GPC6: variants seen among roughly 807,000 people sequenced by gnomAD.
GPC6 encodes glypican 6.
In GPC6, 14 loss-of-function variants were observed where a neutral mutation model predicts 55.2. The ratio of observed to expected loss-of-function variants is 0.25; its 90% confidence interval spans 0.17 to 0.40. The LOEUF (loss-of-function observed/expected upper bound fraction) is 0.40. GPC6 is among the 10% of genes least tolerant of loss of function. The pLI is 1.00. For missense variants in GPC6, 641 were observed against 708.5 expected (o/e 0.90, Z 1.08); for synonymous variants, 278 against 259.6 (o/e 1.07, Z -0.68).
intron 1 of GPC6, among the ~76,000 whole-genome samples, chr13:93,244,188 A>G (rs2139019144): frequency 6.6e-6 from 1 of 152,316 alleles, no homozygotes; most frequent in East Asian, 1.9e-4. Flanking sequence ...GGAGCCGGGC[A>G]GCAGGTGGCA....
chr13:93,466,807 A>G (rs1878920824), intron 1 of GPC6, among the ~76,000 whole-genome samples: 1 of 152,204 alleles, frequency 6.6e-6, no homozygotes, highest in Non-Finnish European at 1.5e-5. Context: ...GTGGAGTACT[A>G]CTATGGATCT....
chr13:94,158,581 T>A (rs1888041558), intron 4 of GPC6, among the ~76,000 whole-genome samples: 1 of 151,686 alleles, frequency 6.6e-6, no homozygotes, highest in Non-Finnish European at 1.5e-5. Context: ...AGAGAATGAG[T>A]AACAAGGGAA....
intron 3 of GPC6, among the ~76,000 whole-genome samples, chr13:93,991,900 A>T (rs571998066): frequency 6.6e-6 from 1 of 152,276 alleles, no homozygotes; most frequent in African/African-American, 2.4e-5. Context: ...AAGTCTGAAG[A>T]TTTTAAAAAC....
rs796102075 is a variant in GPC6, at chr13:93,933,025, G to A, written c.712-94704G>A. ...TTTCTAAAGGAGAATTGGTTTTCTT[G>A]CATTTCACAGCTTCTGGAGGCCACT... On this transcript the variant is annotated intron_variant, in intron 3 of 8. Coordinates refer to ENST00000377047, the MANE Select transcript of GPC6 (RefSeq NM_005708.5). 3.7e-5 allele frequency among the ~76,000 whole-genome samples: 3 copies of A among 80,120 alleles called. No individual in the cohort carries two copies. In the South Asian group the frequency reaches 1.3e-3, roughly 35 times the overall value. 52.6% of individuals were successfully genotyped at this position (80,120 alleles called of 152,430 possible). A position where few individuals can be genotyped will look rare whatever the true frequency, so the allele number is the denominator to read the frequency against.
chr13:93,441,703 T>A (rs1209105487), intron 1 of GPC6, among the ~76,000 whole-genome samples: 1 of 152,186 alleles, frequency 6.6e-6, no homozygotes, highest in African/African-American at 2.4e-5. Context: ...TTTAATTAGA[T>A]CCCGTTTGTC....
chr13:93,763,501 C>T (rs1336225279), intron 2 of GPC6, among the ~76,000 whole-genome samples: 2 of 152,178 alleles, frequency 1.3e-5, no homozygotes, highest in African/African-American at 4.8e-5. Context: ...TGCACCTACT[C>T]TCTCGGAGAG....
rs9561553 is a variant in GPC6, at chr13:94,407,873, T to A, written c.*4656T>A. Among the ~76,000 whole-genome samples, 17,851 of 152,224 alleles carry A rather than the reference T, an allele frequency of 0.12. 1,703 individuals are homozygous for A. Among genetic ancestry groups the A allele is most frequent in the East Asian group, 0.55 (2,833 of 5,166 alleles). On this transcript the variant is annotated 3_prime_UTR_variant, in exon 9 of 9. Coordinates refer to ENST00000377047, the MANE Select transcript of GPC6 (RefSeq NM_005708.5). ...ATGCTTATTGAACTCTTATTCTCTATAAACCCTGCTCTAGGGGATTTATCA... is the reference window on the plus strand; with the variant it reads ...ATGCTTATTGAACTCTTATTCTCTAAAAACCCTGCTCTAGGGGATTTATCA...
At chr13:93,282,202 G>A (rs961584957) in intron 1 of GPC6, among the ~76,000 whole-genome samples, 1 of 152,120 alleles carries the variant, frequency 6.6e-6, no homozygotes, top group Non-Finnish European at 1.5e-5. Flanking sequence ...TTTTTCATAG[G>A]ACAATCAGAA....
At chr13:93,895,543 T>A (rs1875960421) in intron 3 of GPC6, among the ~76,000 whole-genome samples, 1 of 151,838 alleles carries the variant, frequency 6.6e-6, no homozygotes, top group South Asian at 2.1e-4. Flanking sequence ...TTTTCTTCCT[T>A]TGGTATTTCT....
chr13:93,752,327 C>T (rs539323360), intron 2 of GPC6, among the ~76,000 whole-genome samples: 1 of 152,016 alleles, frequency 6.6e-6, no homozygotes, highest in Admixed American at 6.6e-5. Context: ...TCTTCAGGAG[C>T]TCAGCAGGGC....
At chr13:93,393,110 A>G (rs1267887217) in intron 1 of GPC6, among the ~76,000 whole-genome samples, 1 of 74,482 alleles carries the variant, frequency 1.3e-5, no homozygotes, top group Non-Finnish European at 2.9e-5. Context: ...TATATTTGAT[A>G]TATATATATA....
At chr13:94,113,246 T>C (rs1886313538) in intron 4 of GPC6, among the ~76,000 whole-genome samples, 1 of 152,112 alleles carries the variant, frequency 6.6e-6, no homozygotes, top group Non-Finnish European at 1.5e-5. Flanking sequence ...CTGTGTTCTA[T>C]GAATAAAAAG....
intron 2 of GPC6, among the ~76,000 whole-genome samples, chr13:93,579,210 C>G (rs1239294311): frequency 1.3e-5 from 2 of 151,974 alleles, no homozygotes; most frequent in South Asian, 4.1e-4. Context: ...TAATACTACT[C>G]TAGTGTACAT....
chr13:93,511,790 T>C (rs1427104267), intron 1 of GPC6, among the ~76,000 whole-genome samples: 1 of 152,120 alleles, frequency 6.6e-6, no homozygotes, highest in African/African-American at 2.4e-5. Context: ...TATTGATTCT[T>C]CCCATCCATG....
At chr13:94,117,065 A>G (rs1886457968) in intron 4 of GPC6, among the ~76,000 whole-genome samples, 1 of 152,092 alleles carries the variant, frequency 6.6e-6, no homozygotes, top group African/African-American at 2.4e-5. Context: ...GCAGTGCACT[A>G]AGGAGCAGCG....
At chr13:93,228,376 G>A (rs1875887572) in intron 1 of GPC6, among the ~76,000 whole-genome samples, 1 of 152,300 alleles carries the variant, frequency 6.6e-6, no homozygotes, top group Non-Finnish European at 1.5e-5. Context: ...GTCTGCCAGC[G>A]AACAGCCAAC....
At chr13:94,187,274 A>T (rs1288835128) in intron 4 of GPC6, 3 of 152,202 alleles carry the variant, frequency 2.0e-5, no homozygotes, top group Admixed American at 6.5e-5. Context: ...GCATAATTGG[A>T]ATTCTAACCT....
intron 1 of GPC6, among the ~76,000 whole-genome samples, chr13:93,240,045 CCTATTGTAT>C (rs986734068): frequency 1.3e-5 from 2 of 151,924 alleles, no homozygotes; most frequent in Non-Finnish European, 2.9e-5. Flanking sequence ...TGTTTTGTGG[CCTATTGTAT>C]GGTCTATCTT....
rs190713550 is a variant in GPC6, at chr13:93,731,988, G to T, written c.320-98166G>T. Among the ~76,000 whole-genome samples, 60 of 152,248 alleles carry T rather than the reference G, an allele frequency of 3.9e-4. 1 individual carries two copies. The highest frequency in any genetic ancestry group is 1.4e-3 in the African/African-American group (59 of 41,572). On this transcript the variant is annotated intron_variant, in intron 2 of 8. Transcript: ENST00000377047. ...GTATTCCCAGCACCTTCACACAATA[G>T]ATGTGACTGATAAATGCAAAAATGA...
Sources: allele counts gnomAD v4.1 joint callset (sites outside exome capture counted in the v4.1 genomes callset), GRCh38; gene constraint gnomAD v4.1.1; transcripts MANE v1.5; gene names NCBI Gene and HGNC (gene_info 2026-07-23, HGNC 2026-07-21).